The following AKAP6 variants were observed in gnomAD, a reference collection of about 807,000 sequenced individuals.
AKAP6 encodes A-kinase anchor protein 6.
A neutral mutation model predicts 188.5 loss-of-function variants in AKAP6; 58 were observed. That is an observed-to-expected ratio of 0.31 (90% CI 0.25 to 0.38). The LOEUF (loss-of-function observed/expected upper bound fraction) is 0.38. Among genes scored for constraint, AKAP6 ranks in the 10% least tolerant of loss-of-function variants. The pLI, the probability that AKAP6 is intolerant of heterozygous loss-of-function variation, is 1.00. For synonymous variants in AKAP6, 989 were observed against 998.6 expected (o/e 0.99, Z 0.18); for missense variants, 2,710 against 2,740.0 (o/e 0.99, Z 0.24).
At chr14:32,711,534 A>T (rs1337149073) in intron 9 of AKAP6, among the ~76,000 whole-genome samples, 1 of 152,108 alleles carries the variant, frequency 6.6e-6, no homozygotes, top group African/African-American at 2.4e-5. Flanking sequence ...TTTAATAAAG[A>T]AGCTTGGTTG....
intron 7 of AKAP6, among the ~76,000 whole-genome samples, chr14:32,622,413 G>C (rs1388641356): frequency 6.6e-6 from 1 of 151,736 alleles, no homozygotes; most frequent in East Asian, 1.9e-4. Flanking sequence ...TAATAATAGA[G>C]ACAAATAGAC....
chr14:32,571,686 C>T (rs1052468384), intron 4 of AKAP6, among the ~76,000 whole-genome samples: 6 of 152,158 alleles, frequency 3.9e-5, no homozygotes, highest in Admixed American at 2.6e-4. Context: ...ATGAATTACT[C>T]TGAGGATGAA....
intron 2 of AKAP6, among the ~76,000 whole-genome samples, chr14:32,483,656 G>A (rs767848886): frequency 6.6e-6 from 1 of 151,892 alleles, no homozygotes; most frequent in Non-Finnish European, 1.5e-5. Flanking sequence ...AGCTAATTTT[G>A]TATTTTTAGT....
chr14:32,615,509 T>A (rs1886535905), intron 7 of AKAP6, among the ~76,000 whole-genome samples: 1 of 151,682 alleles, frequency 6.6e-6, no homozygotes, highest in South Asian at 2.1e-4. Context: ...ATCTGTTGAG[T>A]ATTATGTAAT....
chr14:32,481,455 C>T (rs1427801254), intron 2 of AKAP6, among the ~76,000 whole-genome samples: 1 of 152,136 alleles, frequency 6.6e-6, no homozygotes, highest in African/African-American at 2.4e-5. Context: ...TTAATGGACT[C>T]ACGGTTCTAC....
intron 2 of AKAP6, among the ~76,000 whole-genome samples, chr14:32,452,288 C>A (rs1890968511): frequency 6.6e-6 from 1 of 152,098 alleles, no homozygotes; most frequent in Non-Finnish European, 1.5e-5. Flanking sequence ...CCGACCTTGG[C>A]CTCCTAAAGT....
rs71115063 is a variant in AKAP6 at position 32,348,417 on chromosome 14, C to CTTTT, written c.-35+19024_-35+19027dup. On this transcript the variant is annotated intron_variant, in intron 1 of 13. Transcript: ENST00000280979. Reference sequence around the variant, plus strand: ...TGGGGTTCTTTCTTTTCTTTTGTTTCTTTTTTTTTTTTTTTTTTAAGAGTT... The same window carrying CTTTT: ...TGGGGTTCTTTCTTTTCTTTTGTTTCTTTTTTTTTTTTTTTTTTTTTTAAGAGTT... Among the ~76,000 whole-genome samples the CTTTT allele has an allele frequency of 9.0e-4, 113 of 126,148 alleles. 1 individual carries two copies. Among genetic ancestry groups the CTTTT allele is most frequent in the Middle Eastern group, 4.0e-3 (1 of 250 alleles). The allele number at this position is 126,148 out of a possible 152,430, so 82.8% of individuals were successfully genotyped here.
At chr14:32,673,062 C>T (rs1236340227) in intron 7 of AKAP6, among the ~76,000 whole-genome samples, 27 of 152,160 alleles carry the variant, frequency 1.8e-4, no homozygotes, top group Non-Finnish European at 1.9e-4. Context: ...CTCCAGCCAC[C>T]ATTCTCTGAA....
At chr14:32,577,996 T>A (rs535568365) in intron 5 of AKAP6, among the ~76,000 whole-genome samples, 51 of 152,294 alleles carry the variant, frequency 3.3e-4, no homozygotes, top group African/African-American at 1.2e-3. Flanking sequence ...ATTCAAGCTG[T>A]AAGGATCTCA....
chr14:32,726,267 C>T (rs2030869351), intron 9 of AKAP6: 2 of 915,594 alleles, frequency 2.2e-6, no homozygotes, highest in Admixed American at 6.2e-5. Context: ...TTCTTCTCTC[C>T]TCAGTCTTCT....
intron 2 of AKAP6, among the ~76,000 whole-genome samples, chr14:32,475,358 AT>A (rs1879006256): frequency 6.6e-6 from 1 of 152,156 alleles, no homozygotes; most frequent in Admixed American, 6.5e-5. Context: ...TTACAACACC[AT>A]TCTACCTTCA....
chr14:32,571,956 T>C (rs1161446922), intron 4 of AKAP6, among the ~76,000 whole-genome samples: 2 of 152,224 alleles, frequency 1.3e-5, no homozygotes, highest in Non-Finnish European at 2.9e-5. Context: ...GTGTTTCTTG[T>C]TAAGCATTTA....
intron 11 of AKAP6, among the ~76,000 whole-genome samples, chr14:32,747,986 T>C (rs76425376): frequency 0.015 from 2,307 of 152,266 alleles, 49 homozygotes; most frequent in African/African-American, 0.052. Flanking sequence ...GTCATGCTAA[T>C]CTAGAAAGAG....
At chr14:32,590,086 T>C (rs1885425099) in intron 5 of AKAP6, among the ~76,000 whole-genome samples, 1 of 152,208 alleles carries the variant, frequency 6.6e-6, no homozygotes, top group African/African-American at 2.4e-5. Flanking sequence ...TCTATATCTA[T>C]AGGGTTGTTG....
At chr14:32,335,132 T>C (rs1197902668) in intron 1 of AKAP6, among the ~76,000 whole-genome samples, 5 of 152,070 alleles carry the variant, frequency 3.3e-5, no homozygotes, top group Admixed American at 2.0e-4. Flanking sequence ...GCCTTTAGAA[T>C]GGGGTCTCAA....
intron 1 of AKAP6, among the ~76,000 whole-genome samples, chr14:32,368,632 C>G (rs187369713): frequency 1.3e-5 from 2 of 152,170 alleles, no homozygotes; most frequent in Admixed American, 6.5e-5. Flanking sequence ...GAGAAAGGAA[C>G]TGAATACAGT....
intron 7 of AKAP6, among the ~76,000 whole-genome samples, chr14:32,610,883 C>T (rs912118100): frequency 6.6e-6 from 1 of 152,156 alleles, no homozygotes; most frequent in Non-Finnish European, 1.5e-5. Flanking sequence ...GACCTATATA[C>T]TGGACAGCTT....
intron 12 of AKAP6, among the ~76,000 whole-genome samples, chr14:32,786,927 C>G (rs1383499253): frequency 6.6e-6 from 1 of 152,156 alleles, no homozygotes; most frequent in Non-Finnish European, 1.5e-5. Flanking sequence ...CTCCAGAACT[C>G]CAGCATTGAA....
At chr14:32,363,931 G>A (rs1000529721) in intron 1 of AKAP6, among the ~76,000 whole-genome samples, 3 of 152,210 alleles carry the variant, frequency 2.0e-5, no homozygotes, top group African/African-American at 4.8e-5. Context: ...CCATGGTGAG[G>A]GAGTAACATT....
Sources: allele counts gnomAD v4.1 joint callset (sites outside exome capture counted in the v4.1 genomes callset), GRCh38; gene constraint gnomAD v4.1.1; transcripts MANE v1.5; gene names NCBI Gene and HGNC (gene_info 2026-07-23, HGNC 2026-07-21).